ZNF322: variants seen among roughly 807,000 people sequenced by gnomAD.
ZNF322 encodes HLA complex group 12.
Under a neutral mutation model 18.3 loss-of-function variants are expected in ZNF322, and 1 was observed. That is an observed-to-expected ratio of 0.05 (90% CI 0.02 to 0.26). The LOEUF (loss-of-function observed/expected upper bound fraction) is 0.26, where lower values mean the gene tolerates loss of function less well. ZNF322 is among the 10% of genes least tolerant of loss of function. ZNF322 has a pLI of 1.00. For missense variants in ZNF322, 36 were observed against 403.6 expected, an observed-to-expected ratio of 0.09 and a Z score of 7.80; for synonymous variants, 17 against 130.7, an observed-to-expected ratio of 0.13 and a Z score of 5.93.
chr6:26,653,151 A>C (rs1765703717), intron 2 of ZNF322, among the ~76,000 whole-genome samples: 1 of 152,180 alleles, frequency 6.6e-6, no homozygotes, highest in South Asian at 2.1e-4. Context: ...AAAAAGAAAT[A>C]ATTTTTTAAA....
intron 2 of ZNF322, among the ~76,000 whole-genome samples, chr6:26,645,155 G>A (rs1554148609): frequency 6.6e-6 from 1 of 152,024 alleles, no homozygotes; most frequent in African/African-American, 2.4e-5. Flanking sequence ...TATCTCTAGA[G>A]GAAATATAAA....
chr6:26,658,540 G>T lies in ZNF322; in HGVS notation c.-246+18C>A. 1 of 164,904 alleles carries T rather than the reference G, an allele frequency of 6.1e-6. No homozygotes were observed. The allele number at this position is 164,904 out of a possible 1,614,324, so 10.2% of individuals were successfully genotyped here. ...CCATCCACATTTATACAGAAACAGA[G>T]CCTGGTATACCACTTACCGTAACAA... On this transcript the variant is annotated intron_variant, in intron 2 of 3. Transcript: ENST00000415922.
rs1554148059 is a variant in ZNF322 at position 26,638,658 on chromosome 6, G to C, written c.-105C>G. 1 of 796,974 alleles carries C rather than the reference G, an allele frequency of 1.3e-6. No individual in the cohort carries two copies. The highest frequency in any genetic ancestry group is 2.8e-5 in the Admixed American group (1 of 35,094). The allele number at this position is 796,974 out of a possible 1,614,324, so 49.4% of individuals were successfully genotyped here. On this transcript the variant is annotated 5_prime_UTR_variant, in exon 4 of 4. Coordinates refer to ENST00000415922, the MANE Select transcript of ZNF322 (RefSeq NM_024639.5). ...AACTTGGAAGATACATCTGTTTCAG[G>C]CCTTTCAATCATGAGCCTCTACAAG...
At position 26,659,566 on chromosome 6, in the gene ZNF322, G is replaced by GT. The variant is rs1275714760; in HGVS notation, c.-461_-460insA. ...TAGTAGATCTAAGGGCCAGGCTTCG[G>GT]GAAGGAAAGAAAAGCGAACCCGGCA... On this transcript the variant is annotated 5_prime_UTR_variant, in exon 1 of 4. Coordinates refer to ENST00000415922, the MANE Select transcript of ZNF322 (RefSeq NM_024639.5). 1 of 166,688 alleles carries GT rather than the reference G, an allele frequency of 6.0e-6. No homozygotes were observed. Among genetic ancestry groups the GT allele is most frequent in the Non-Finnish European group, 1.5e-5 (1 of 68,136 alleles). The allele number at this position is 166,688 out of a possible 1,614,324, so 10.3% of individuals were successfully genotyped here.
At chr6:26,644,440 T>C (rs147118910) in intron 2 of ZNF322, among the ~76,000 whole-genome samples, 234 of 152,314 alleles carry the variant, frequency 1.5e-3, no homozygotes, top group African/African-American at 5.0e-3. Flanking sequence ...ACTTAGCTTA[T>C]AGCTGCTAGT....
chr6:26,651,104 T>C (rs1765660743), intron 2 of ZNF322, among the ~76,000 whole-genome samples: 1 of 151,890 alleles, frequency 6.6e-6, no homozygotes, highest in Non-Finnish European at 1.5e-5. Flanking sequence ...GACAAATAGA[T>C]AAATGGAACA....
At chr6:26,655,772 TGA>T (rs1554149632) in intron 2 of ZNF322, among the ~76,000 whole-genome samples, 1 of 152,140 alleles carries the variant, frequency 6.6e-6, no homozygotes, top group African/African-American at 2.4e-5. Context: ...CACAAAAAGA[TGA>T]GTTTGGTCCC....
chr6:26,643,029 A>G (rs782390569), intron 3 of ZNF322, among the ~76,000 whole-genome samples: 16 of 152,174 alleles, frequency 1.1e-4, no homozygotes, highest in Non-Finnish European at 2.1e-4. Context: ...ACAATAGCCC[A>G]AGAGGCCCAC....
intron 3 of ZNF322, among the ~76,000 whole-genome samples, chr6:26,642,024 C>T (rs1338463054): frequency 6.6e-6 from 1 of 152,164 alleles, no homozygotes; most frequent in East Asian, 1.9e-4. Flanking sequence ...CGGTGTAAAA[C>T]CCGATTGTAC....
intron 2 of ZNF322, among the ~76,000 whole-genome samples, chr6:26,655,494 T>C (rs532993726): frequency 1.3e-5 from 2 of 152,318 alleles, no homozygotes; most frequent in East Asian, 3.9e-4. Context: ...CTAGCAGTAC[T>C]GTACATGCAT....
At chr6:26,644,103 A>G (rs1317934161) in intron 2 of ZNF322, among the ~76,000 whole-genome samples, 1 of 152,204 alleles carries the variant, frequency 6.6e-6, no homozygotes, top group African/African-American at 2.4e-5. Flanking sequence ...TATTTTTGGG[A>G]TTATAACAAA....
chr6:26,648,810 C>T (rs1554148911), intron 2 of ZNF322, among the ~76,000 whole-genome samples: 2 of 152,210 alleles, frequency 1.3e-5, no homozygotes, highest in African/African-American at 4.8e-5. Context: ...GAAGGACAGC[C>T]TTTGTTCTTG....
chr6:26,641,296 G>A (rs1765461701), intron 3 of ZNF322, among the ~76,000 whole-genome samples: 1 of 152,170 alleles, frequency 6.6e-6, no homozygotes, highest in Non-Finnish European at 1.5e-5. Flanking sequence ...TGAATGAGGT[G>A]GGAGTAGTGC....
chr6:26,651,945 C>T (rs1765678420), intron 2 of ZNF322, among the ~76,000 whole-genome samples: 1 of 152,216 alleles, frequency 6.6e-6, no homozygotes, highest in African/African-American at 2.4e-5. Context: ...GGTCCTCCCA[C>T]CTCAGCCTCC....
At chr6:26,652,699 A>T (rs1554149317) in intron 2 of ZNF322, among the ~76,000 whole-genome samples, 1 of 152,084 alleles carries the variant, frequency 6.6e-6, no homozygotes, top group African/African-American at 2.4e-5. Context: ...TCAAAAAAAA[A>T]AAAAAAATTG....
In ZNF322 at chr6:26,644,895, T is replaced by C. The variant is rs533470438; in HGVS notation, c.-245-1167A>G. Among the ~76,000 whole-genome samples, 8 of 152,342 alleles carry C rather than the reference T, an allele frequency of 5.3e-5. No individual in the cohort carries two copies. In the East Asian group the frequency reaches 1.3e-3, roughly 26 times the overall value. On this transcript the variant is annotated intron_variant, in intron 2 of 3. Coordinates refer to ENST00000415922, the MANE Select transcript of ZNF322 (RefSeq NM_024639.5). Reference sequence around the variant, plus strand: ...AATGTGTGCCTATGTAAACATGTGCTATACCTATCAACCCATCACCTAGTT... The same window carrying C: ...AATGTGTGCCTATGTAAACATGTGCCATACCTATCAACCCATCACCTAGTT...
chr6:26,642,026 C>T (rs1002387149), intron 3 of ZNF322, among the ~76,000 whole-genome samples: 5 of 152,020 alleles, frequency 3.3e-5, no homozygotes, highest in African/African-American at 2.4e-5. Context: ...GTGTAAAACC[C>T]GATTGTACAT....
intron 2 of ZNF322, among the ~76,000 whole-genome samples, chr6:26,657,018 G>A (rs540623486): frequency 6.6e-6 from 1 of 152,170 alleles, no homozygotes; most frequent in African/African-American, 2.4e-5. Flanking sequence ...GGAAGCCGAG[G>A]CTGGCGGATC....
chr6:26,641,066 AGAT>A (rs1337999367), intron 3 of ZNF322, among the ~76,000 whole-genome samples: 1 of 152,256 alleles, frequency 6.6e-6, no homozygotes, highest in Admixed American at 6.5e-5. Flanking sequence ...CTGGGTAATG[AGAT>A]GATACATAAC....
Sources: allele counts gnomAD v4.1 joint callset (sites outside exome capture counted in the v4.1 genomes callset), GRCh38; gene constraint gnomAD v4.1.1; transcripts MANE v1.5; gene names NCBI Gene and HGNC (gene_info 2026-07-23, HGNC 2026-07-21).